The following PLIN4 variants were observed in gnomAD, a reference collection of about 807,000 sequenced individuals.
PLIN4 encodes perilipin-4.
PLIN4 carries 57 observed loss-of-function variants against 52.4 expected under a neutral mutation model. The ratio of observed to expected loss-of-function variants is 1.09; its 90% CI spans 0.88 to 1.36. The LOEUF (loss-of-function observed/expected upper bound fraction) is 1.36. Among genes scored for constraint, PLIN4 ranks in the 40% most tolerant of loss-of-function variants. The probability of loss-of-function intolerance (pLI) is 0.00; values close to 1 mark genes in which losing one functional copy is unlikely to be tolerated. For synonymous variants in PLIN4, 826 were observed against 785.4 expected (o/e 1.05, Z -0.86); for missense variants, 1,757 against 1,770.3 (o/e 0.99, Z 0.13).
At position 4,502,204 on chromosome 19, in the gene PLIN4, A is replaced by AAAAG; in HGVS notation, c.*2251_*2254dup. The AAAAG allele has an allele frequency of 1.5e-6, 1 of 670,412 alleles. No homozygotes were observed. Among genetic ancestry groups the AAAAG allele is most frequent in the Non-Finnish European group, 2.7e-6 (1 of 375,066 alleles). The allele number at this position is 670,412 out of a possible 1,614,324, so 41.5% of individuals were successfully genotyped here. A position where few individuals can be genotyped will look rare whatever the true frequency, so the allele number is the denominator to read the frequency against. On this transcript the variant is annotated 3_prime_UTR_variant, in exon 8 of 8. Transcript: ENST00000301286. Reference sequence around the variant, plus strand: ...TGACTATAAATGGTTTTTTAATGAAAAAAGAAATCACTTTTATTGGCTTGG... The same window carrying AAAAG: ...TGACTATAAATGGTTTTTTAATGAAAAAAGAAAGAAATCACTTTTATTGGCTTGG...
chr19:4,502,421 G>A lies in PLIN4; in HGVS notation c.*2038C>T, dbSNP rs1043457630. The A allele has an allele frequency of 5.9e-6, 2 of 339,252 alleles. No individual in the cohort carries two copies. Among genetic ancestry groups the A allele is most frequent in the African/African-American group, 2.2e-5 (1 of 45,288 alleles). The allele number at this position is 339,252 out of a possible 1,614,324, so 21.0% of individuals were successfully genotyped here. A position where few individuals can be genotyped will look rare whatever the true frequency, so the allele number is the denominator to read the frequency against. On this transcript the variant is annotated 3_prime_UTR_variant, in exon 8 of 8. Coordinates refer to ENST00000301286, the MANE Select transcript of PLIN4 (RefSeq NM_001367868.2). ...GGAGCAAGCTCTTCCCAGGAGACAA[G>A]AGGGACAAACCAGGGCATCTAAGCT...
intron 4 of PLIN4, among the ~76,000 whole-genome samples, chr19:4,514,464 G>A (rs1179558766): frequency 6.6e-6 from 1 of 151,880 alleles, no homozygotes; most frequent in African/African-American, 2.4e-5. Flanking sequence ...AATGATATAC[G>A]CCTGTAATCC....
chr19:4,512,358 G>T lies in PLIN4; in HGVS notation c.1602C>A (p.Thr534=). 13 of 1,596,576 alleles carry T rather than the reference G, an allele frequency of 8.1e-6. No homozygotes were observed. The highest frequency in any genetic ancestry group is 1.1e-5 in the Non-Finnish European group (13 of 1,174,016). ...TKTVLTGTKD[T]VCSGVTSAVN... ...CAGCACTGGTCACCCCACTGCAGAC[G>T]GTGTCCTTGGTGCCGGTTAGGACAG... is the stretch of plus-strand genomic sequence containing the variant. The change falls in exon 5 of 8, where the codon ACC becomes ACA. Residue 534 remains threonine, a synonymous_variant. Transcript: ENST00000301286.
rs1295379291 is a variant in PLIN4 at position 4,512,216 on chromosome 19, C to G, written c.1744G>C (p.Ala582Pro). The G allele has an allele frequency of 6.2e-7, 1 of 1,612,880 alleles. No homozygotes were observed. Among genetic ancestry groups the G allele is most frequent in the Non-Finnish European group, 8.5e-7 (1 of 1,179,748 alleles). Residue 582 changes from alanine to proline, a missense_variant, in exon 5 of 8, where the codon GCT becomes CCT. Ala to Pro is a conservative substitution (Grantham distance 27). Transcript: ENST00000301286. Reference protein sequence around the residue: ...LTGAANVAKGAVQTGVDTAKT... With the variant: ...LTGAANVAKGPVQTGVDTAKT... Reference sequence around the variant, plus strand: ...GCTGTGTCTACACCTGTCTGGACAGCCCCCTTGGCCACATTCGCTGCCCCC... The same window carrying G: ...GCTGTGTCTACACCTGTCTGGACAGGCCCCTTGGCCACATTCGCTGCCCCC...
At position 4,518,213 on chromosome 19, in the gene PLIN4, C is replaced by T. The variant is rs28367328; in HGVS notation, c.51+9G>A. 12,825 of 1,233,196 alleles carry T rather than the reference C, an allele frequency of 0.01. 1,082 individuals are homozygous for T. In the African/African-American group the frequency reaches 0.18, roughly 17 times the overall value. The allele number at this position is 1,233,196 out of a possible 1,614,324, so 76.4% of individuals were successfully genotyped here. On this transcript the variant is annotated intron_variant, in intron 2 of 7. Coordinates refer to ENST00000301286, the MANE Select transcript of PLIN4 (RefSeq NM_001367868.2). ...CCCAGCAAGAATCTGCCCCATTTCCCCTCTTTACCTTGCCCTTCGGTTTGG... is the reference window on the plus strand; with the variant it reads ...CCCAGCAAGAATCTGCCCCATTTCCTCTCTTTACCTTGCCCTTCGGTTTGG...
chr19:4,504,198 C>T lies in PLIN4; in HGVS notation c.*261G>A, dbSNP rs1976013867. 2.4e-6 allele frequency: 1 copy of T among 422,270 alleles called. No homozygotes were observed. The highest frequency in any genetic ancestry group is 4.2e-6 in the Non-Finnish European group (1 of 239,136). 26.2% of individuals were successfully genotyped at this position (422,270 alleles called of 1,614,324 possible). A position where few individuals can be genotyped will look rare whatever the true frequency, so the allele number is the denominator to read the frequency against. On this transcript the variant is annotated 3_prime_UTR_variant, in exon 8 of 8. Transcript: ENST00000301286. ...CAAGGGAAGGCTCTTGGCTGGTGGT[C>T]TGAGTGACCCCAGGCTCCGAGAGGG...
rs758167974 is a variant in PLIN4, at chr19:4,510,559, G to A, written c.3401C>T (p.Thr1134Met). 27 of 1,497,988 alleles carry A rather than the reference G, an allele frequency of 1.8e-5. No individual in the cohort carries two copies. Among genetic ancestry groups the A allele is most frequent in the Admixed American group, 1.7e-4 (7 of 41,924 alleles). The allele number at this position is 1,497,988 out of a possible 1,614,324, so 92.8% of individuals were successfully genotyped here. A position where few individuals can be genotyped will look rare whatever the true frequency, so the allele number is the denominator to read the frequency against. ...GCCGTGTGTGGTGGCCAAAAGCCCCGTGTCCTCCCTGCCTGGGGCGGCCCC... is the reference window on the plus strand; with the variant it reads ...GCCGTGTGTGGTGGCCAAAAGCCCCATGTCCTCCCTGCCTGGGGCGGCCCC... ...TQGAAPGREDTGLLATTHGPE... is the reference protein window; with the variant it reads ...TQGAAPGREDMGLLATTHGPE... The change falls in exon 5 of 8, where the codon ACG (threonine) becomes ATG (methionine). Residue 1134 changes from threonine to methionine, a missense_variant. Around this residue, in one of 7 missense-constraint regions of PLIN4, gnomAD observed 712 missense variants for 637.1 expected, o/e 1.12. Coordinates refer to ENST00000301286, the MANE Select transcript of PLIN4 (RefSeq NM_001367868.2).
Position 4,513,290 on chromosome 19 carries a change from C to T in PLIN4, c.670G>A (p.Val224Met), listed in dbSNP as rs370864165. 29 of 1,613,306 alleles carry T rather than the reference C, an allele frequency of 1.8e-5. No individual in the cohort carries two copies. The highest frequency in any genetic ancestry group is 1.2e-4 in the Admixed American group (7 of 59,956). Residue 224 changes from valine to methionine, a missense_variant, in exon 5 of 8, where the codon GTG becomes ATG. Coordinates refer to ENST00000301286, the MANE Select transcript of PLIN4 (RefSeq NM_001367868.2). The part of the protein sequence containing the change: ...NLAKGTVQTG[V>M]ETSKAVLTGT... ...GTCAGCACAGCCTTGGAGGTTTCCA[C>T]GCCAGTCTGGACAGTCCCTTTGGCC...
intron 3 of PLIN4, among the ~76,000 whole-genome samples, chr19:4,517,229 C>T (rs974868829): frequency 3.0e-4 from 45 of 152,304 alleles, no homozygotes; most frequent in Non-Finnish European, 5.3e-4. Context: ...GTCTGGATCT[C>T]ACTCTGATGA....
At chr19:4,516,784 TTTCA>T in intron 3 of PLIN4, 106 bp from the exon 4 acceptor site, 1 of 1,157,222 alleles carries the variant, frequency 8.6e-7, no homozygotes, top group Non-Finnish European at 1.2e-6. Flanking sequence ...GTCAGGAATG[TTTCA>T]GCTACCCCGC....
chr19:4,511,041 A>G lies in PLIN4; in HGVS notation c.2919T>C (p.Asn973=), dbSNP rs1434868431. ...AVTTGVTGAV[N]VAKGTVQTGV... ...CGGTCTGCACGGTTCCTTTGGCCAC[A>G]TTCACTGCCCCCGTGACTCCAGTAG... The change falls in exon 5 of 8, where the codon AAT becomes AAC. Residue 973 remains asparagine (N), a synonymous_variant. Coordinates refer to ENST00000301286, the MANE Select transcript of PLIN4 (RefSeq NM_001367868.2). 3.1e-6 allele frequency: 5 copies of G among 1,613,216 alleles called. No homozygotes were observed. The highest frequency in any genetic ancestry group is 3.3e-5 in the Admixed American group (2 of 59,994).
chr19:4,517,733 G>A, intron 2 of PLIN4, 35 bp from the exon 3 acceptor site: 1 of 1,554,880 alleles, frequency 6.4e-7, no homozygotes, highest in Non-Finnish European at 8.7e-7. Context: ...GGATGAGCAG[G>A]CCAAGCCTCG....
chr19:4,513,150 G>A lies in PLIN4; in HGVS notation c.810C>T (p.Thr270=), dbSNP rs562756357. ...SKTVLTGTKD[T]VCSGVTGAMN... ...TGGCACCAGTCACCCCACTACAGAC[G>A]GTGTCCTTGGTACCTGTTAGGACAG... The change falls in exon 5 of 8, where the codon ACC becomes ACT. Residue 270 remains threonine (T), a synonymous_variant. Transcript: ENST00000301286. The A allele has an allele frequency of 5.0e-6, 8 of 1,610,248 alleles. No individual in the cohort carries two copies. In the African/African-American group the frequency reaches 8.1e-5, roughly 16 times the overall value.
rs748484438 is a variant in PLIN4, at chr19:4,511,924, T to C, written c.2036A>G (p.Lys679Arg). ...GTCTACACCTGTCTGGGCAGCCCCT[T>C]TGGCCACATTCACAGCACTGGTCAC... is the stretch of plus-strand genomic sequence containing the variant. Reference protein sequence around the residue: ...SGVTSAVNVAKGAAQTGVDTA... With the variant: ...SGVTSAVNVARGAAQTGVDTA... Residue 679 changes from lysine to arginine, a missense_variant, in exon 5 of 8, where the codon AAA becomes AGA. Physicochemically the swap from Lys to Arg is conservative, Grantham distance 26 (BLOSUM62 2). Coordinates refer to ENST00000301286, the MANE Select transcript of PLIN4 (RefSeq NM_001367868.2). The C allele has an allele frequency of 1.9e-6, 3 of 1,598,260 alleles. No individual in the cohort carries two copies. The highest frequency in any genetic ancestry group is 1.7e-6 in the Non-Finnish European group (2 of 1,169,190).
chr19:4,511,374 C>G lies in PLIN4; in HGVS notation c.2586G>C (p.Lys862Asn). 6.3e-7 allele frequency: 1 copy of G among 1,576,940 alleles called. No homozygotes were observed. The highest frequency in any genetic ancestry group is 8.6e-7 in the Non-Finnish European group (1 of 1,159,666). Residue 862 changes from lysine to asparagine, a missense_variant, in exon 5 of 8, where the codon AAG becomes AAC. Coordinates refer to ENST00000301286, the MANE Select transcript of PLIN4 (RefSeq NM_001367868.2). ...CGGTCACCCCACTGCCAAGGGTGTTCTTTGTACCTGTTGCGATATTTTGGG... is the reference window on the plus strand; with the variant it reads ...CGGTCACCCCACTGCCAAGGGTGTTGTTTGTACCTGTTGCGATATTTTGGG... ...KTTQNIATGT[K>N]NTLGSGVTGA...
chr19:4,506,101 C>T (rs1052533781), intron 6 of PLIN4, among the ~76,000 whole-genome samples: 2 of 152,112 alleles, frequency 1.3e-5, no homozygotes, highest in Non-Finnish European at 2.9e-5. Context: ...CACCCGGTGG[C>T]CTGACCTCCC....
rs768971522 is a variant in PLIN4 at position 4,504,521 on chromosome 19, G to A, written c.4054C>T (p.Gln1352Ter). The A allele has an allele frequency of 6.2e-7, 1 of 1,605,314 alleles. No homozygotes were observed. The highest frequency in any genetic ancestry group is 8.5e-7 in the Non-Finnish European group (1 of 1,176,806). Residue 1352 changes from glutamine (Q) to a stop codon, truncating the protein, a stop_gained, in exon 8 of 8, where the codon CAG (glutamine) becomes TAG (stop). Transcript: ENST00000301286. LOFTEE classifies it low-confidence loss of function (END_TRUNC). ...AGCCAGCTGAGCGGGGGATTGTGCT[G>A]TAGGCCCTCCAGCAGCTGCTCTAAC... ...QGLEQLLEGL[Q>*]HNPPLSWLVG...
At position 4,504,930 on chromosome 19, in the gene PLIN4, C is replaced by T; in HGVS notation, c.3720G>A (p.Gln1240=). Residue 1240 remains glutamine, a synonymous_variant, in exon 7 of 8, where the codon CAG becomes CAA. Transcript: ENST00000301286. ...CCAGACGTGGCTGCCCTTCTGGAGC[C>T]TGCTGGGCCTTTTCAATCTGGAGAG... ...DCFRLIEKAQ[Q]APEGQPRLDQ... 1 of 1,605,622 alleles carries T rather than the reference C, an allele frequency of 6.2e-7. No homozygotes were observed. The highest frequency in any genetic ancestry group is 1.1e-5 in the South Asian group (1 of 89,416).
Position 4,510,662 on chromosome 19 carries a change from T to C in PLIN4, c.3298A>G (p.Ser1100Gly). 1 of 1,517,280 alleles carries C rather than the reference T, an allele frequency of 6.6e-7. No homozygotes were observed. The highest frequency in any genetic ancestry group is 8.8e-7 in the Non-Finnish European group (1 of 1,135,922). 94.0% of individuals were successfully genotyped at this position (1,517,280 alleles called of 1,614,324 possible). A position where few individuals can be genotyped will look rare whatever the true frequency, so the allele number is the denominator to read the frequency against. ...SGISTPPDVL[S>G]VGPEPAWEAA... ...TCCCAGGCAGGCTCCGGGCCTACAC[T>C]GAGCACATCCGGGGGCGTGGAGATG... Residue 1100 changes from serine to glycine, a missense_variant, in exon 5 of 8, where the codon AGT (serine) becomes GGT (glycine). Transcript: ENST00000301286.
Sources: allele counts gnomAD v4.1 joint callset (sites outside exome capture counted in the v4.1 genomes callset), GRCh38; gene constraint gnomAD v4.1.1; regional missense constraint gnomAD v4.1.1; transcripts MANE v1.5; gene names NCBI Gene and HGNC (gene_info 2026-07-23, HGNC 2026-07-21).